The following UBXN6 variants were observed in gnomAD, a reference collection of about 807,000 sequenced individuals.
UBXN6 encodes UBX domain protein 6.
UBXN6 carries 44 observed loss-of-function variants against 51.4 expected under a neutral mutation model. The observed-to-expected ratio is 0.86, with a 90% CI of 0.67 to 1.10. The LOEUF is 1.10. UBXN6 is among the 50% of genes least tolerant of loss of function. The pLI, the probability that UBXN6 is intolerant of heterozygous loss-of-function variation, is 0.00. For synonymous variants in UBXN6, 316 were observed against 263.2 expected (o/e 1.20, Z -1.94); for missense variants, 672 against 596.1 (o/e 1.13, Z -1.32).
chr19:4,446,535 G>A lies in UBXN6; in HGVS notation c.885C>T (p.Leu295=). The A allele has an allele frequency of 1.2e-6, 2 of 1,611,976 alleles. No homozygotes were observed. Among genetic ancestry groups the A allele is most frequent in the Non-Finnish European group, 8.5e-7 (1 of 1,179,846 alleles). Residue 295 remains leucine (L), a synonymous_variant, in exon 8 of 11, where the codon CTC becomes CTT. Coordinates refer to ENST00000301281, the MANE Select transcript of UBXN6 (RefSeq NM_025241.3). Reference sequence around the variant, plus strand: ...GCTCCCGCTTGATCTCCTCTGCTGTGAGGTTGAAGAAGTCCCCAGGCAGTT... The same window carrying A: ...GCTCCCGCTTGATCTCCTCTGCTGTAAGGTTGAAGAAGTCCCCAGGCAGTT... The part of the protein sequence containing the change: ...QFELPGDFFN[L]TAEEIKREQR...
intron 1 of UBXN6, 28 bp downstream of exon 1, chr19:4,457,587 G>A (rs1465847505): frequency 1.9e-6 from 3 of 1,577,772 alleles, no homozygotes; most frequent in Middle Eastern, 3.4e-4. Flanking sequence ...GCCCCGCAGG[G>A]CCTCAAGCCC....
At chr19:4,453,722 T>C (rs1974694720) in intron 2 of UBXN6, among the ~76,000 whole-genome samples, 200 bp from the exon 3 acceptor site, 1 of 152,152 alleles carries the variant, frequency 6.6e-6, no homozygotes, top group Non-Finnish European at 1.5e-5. Flanking sequence ...CCCCACTGCC[T>C]GGGCAGCCCG....
At chr19:4,450,257 A>G (rs1157127781) in intron 4 of UBXN6, 5 of 151,636 alleles carry the variant, frequency 3.3e-5, no homozygotes, top group African/African-American at 1.2e-4. Context: ...GAGAGGCCAC[A>G]AAAGAATTCT....
At chr19:4,447,408 G>T (rs1974557074) in intron 6 of UBXN6, 142 bp downstream of exon 6, 1 of 853,632 alleles carries the variant, frequency 1.2e-6, no homozygotes, top group Non-Finnish European at 1.9e-6. Context: ...ACCTTCTACT[G>T]GCCGAACCCT....
At chr19:4,450,423 T>C (rs891035315) in intron 4 of UBXN6, 21 of 151,978 alleles carry the variant, frequency 1.4e-4, no homozygotes, top group African/African-American at 4.1e-4. Context: ...GAGGGAAACA[T>C]GTGCAACTCA....
rs954618850 is a variant in UBXN6, at chr19:4,453,400, A to G, written c.312+58T>C. 3.8e-6 allele frequency: 6 copies of G among 1,576,732 alleles called. No individual in the cohort carries two copies. The East Asian group carries it at 9.1e-5, about 24-fold the overall frequency. On this transcript the variant is annotated intron_variant, in intron 3 of 10. Transcript: ENST00000301281. ...GCAGAGGCCACATCTCCCCCGTGAC[A>G]CAGTCAAGCTGTCCCCACCCCTTGG...
chr19:4,457,782 A>C lies in UBXN6; in HGVS notation c.-85T>G, dbSNP rs1263669509. ...GGGACGGGGCCGCCGGAGACCAGCC[A>C]CCGGAAGAAAATTAAAAAAAAAAAA... On this transcript the variant is annotated 5_prime_UTR_variant, in exon 1 of 11. Coordinates refer to ENST00000301281, the MANE Select transcript of UBXN6 (RefSeq NM_025241.3). The C allele has an allele frequency of 3.0e-5, 12 of 404,180 alleles. No individual in the cohort carries two copies. Among genetic ancestry groups the C allele is most frequent in the South Asian group, 7.7e-5 (1 of 12,926 alleles). 25.0% of individuals were successfully genotyped at this position (404,180 alleles called of 1,614,324 possible).
Position 4,447,591 on chromosome 19 carries a change from C to T in UBXN6, c.574G>A (p.Glu192Lys), listed in dbSNP as rs367786829. ...TGCAGCTTGATCTTCCGGTACTTCTCCTCCTCGGGGTGCAGGTGGATGTTG... is the reference window on the plus strand; with the variant it reads ...TGCAGCTTGATCTTCCGGTACTTCTTCTCCTCGGGGTGCAGGTGGATGTTG... ...LDNIHLHPEEEKYRKIKLQNK... is the reference protein window; with the variant it reads ...LDNIHLHPEEKKYRKIKLQNK... The change falls in exon 6 of 11, where the codon GAG becomes AAG. Residue 192 changes from glutamate (E) to lysine (K), a missense_variant. Coordinates refer to ENST00000301281, the MANE Select transcript of UBXN6 (RefSeq NM_025241.3). The T allele has an allele frequency of 1.3e-4, 208 of 1,613,678 alleles. No individual in the cohort carries two copies. Among genetic ancestry groups the T allele is most frequent in the Non-Finnish European group, 1.7e-4 (202 of 1,179,824 alleles).
At chr19:4,447,232 C>A in intron 6 of UBXN6, 1 of 571,650 alleles carries the variant, frequency 1.7e-6, no homozygotes, top group Non-Finnish European at 3.1e-6. Context: ...GCCCTTTCCC[C>A]CAGAAGAACC....
chr19:4,456,504 C>T (rs1311290641), intron 1 of UBXN6, among the ~76,000 whole-genome samples: 1 of 151,884 alleles, frequency 6.6e-6, no homozygotes, highest in African/African-American at 2.4e-5. Flanking sequence ...CTCAGTCCCT[C>T]TCCATCAGTC....
intron 4 of UBXN6, 60 bp from the exon 5 acceptor site, chr19:4,448,475 C>A: frequency 7.2e-7 from 1 of 1,394,224 alleles, no homozygotes; most frequent in East Asian, 2.5e-5. Context: ...CGGCCCTCCG[C>A]TGCCCAGGTA....
intron 5 of UBXN6, chr19:4,447,949 C>A: frequency 2.0e-6 from 1 of 496,752 alleles, no homozygotes; most frequent in Non-Finnish European, 3.7e-6. Flanking sequence ...GCCGCAGTGC[C>A]AGCAGGGGGC....
Position 4,453,968 on chromosome 19 carries a change from G to A in UBXN6, c.209C>T (p.Ala70Val). The A allele has an allele frequency of 6.2e-7, 1 of 1,611,140 alleles. No individual in the cohort carries two copies. Residue 70 changes from alanine (A) to valine (V), a missense_variant, in exon 2 of 11, where the codon GCC becomes GTC. By Grantham distance (64) the Ala-to-Val change is moderately conservative (BLOSUM62 0). Coordinates refer to ENST00000301281, the MANE Select transcript of UBXN6 (RefSeq NM_025241.3). ...LARLEQKQSR[A>V]WGPTSQDTIR... ...GGTGTCCTGCGATGTGGGGCCCCAG[G>A]CCCGGGACTGCTTCTGCTCCAGCCG... is the stretch of plus-strand genomic sequence containing the variant.
At chr19:4,453,602 G>A (rs1033031363) in intron 2 of UBXN6, 80 bp from the exon 3 acceptor site, 9 of 1,544,146 alleles carry the variant, frequency 5.8e-6, no homozygotes, top group East Asian at 4.7e-5. Flanking sequence ...CCTCATTCCC[G>A]GGGTGGGCCT....
At position 4,453,629 on chromosome 19, in the gene UBXN6, G is replaced by A. The variant is rs532377611; in HGVS notation, c.248-107C>T. 85 of 1,331,140 alleles carry A rather than the reference G, an allele frequency of 6.4e-5. 1 individual carries two copies. Among genetic ancestry groups the A allele is most frequent in the East Asian group, 5.7e-4 (23 of 40,284 alleles). 82.5% of individuals were successfully genotyped at this position (1,331,140 alleles called of 1,614,324 possible). A position where few individuals can be genotyped will look rare whatever the true frequency, so the allele number is the denominator to read the frequency against. ...GGTGGGCCTGGGGGCCACGCACACC[G>A]CCCCAGCCTGCTTCTGCTGGAGGTC... On this transcript the variant is annotated intron_variant, in intron 2 of 10. Coordinates refer to ENST00000301281, the MANE Select transcript of UBXN6 (RefSeq NM_025241.3).
In UBXN6 at chr19:4,446,883, A is replaced by G. The variant is rs759544723; in HGVS notation, c.653T>C (p.Phe218Ser). The G allele has an allele frequency of 6.2e-7, 1 of 1,614,030 alleles. No homozygotes were observed. The change falls in exon 7 of 11, where the codon TTT becomes TCT. Residue 218 changes from phenylalanine to serine, a missense_variant. Physicochemically the swap from Phe to Ser is radical, Grantham distance 155. Transcript: ENST00000301281. ...INCLEGTHEF[F>S]EAIGFQKVLL... ...CACCTTCTGGAACCCAATGGCCTCA[A>G]AAAACTCGTGGGTCCCTTCCAGGCA...
At chr19:4,448,191 C>T (rs551072102) in intron 5 of UBXN6, 127 bp downstream of exon 5, 55 of 829,890 alleles carry the variant, frequency 6.6e-5, no homozygotes, top group Middle Eastern at 5.7e-4. Context: ...GCCTCACTCT[C>T]GGCCTATGCT....
At chr19:4,452,252 AGTGGCCTCT>A in intron 4 of UBXN6, 103 bp downstream of exon 4, 2 of 1,477,236 alleles carry the variant, frequency 1.4e-6, no homozygotes, top group Non-Finnish European at 1.8e-6. Context: ...CACTACTAGC[AGTGGCCTCT>A]GGGGACTCTG....
At chr19:4,448,812 G>C (rs1009124201) in intron 4 of UBXN6, 2 of 223,170 alleles carry the variant, frequency 9.0e-6, no homozygotes, top group South Asian at 6.2e-5. Flanking sequence ...TCCTGCTCTC[G>C]CAGCCCCATG....
Sources: allele counts gnomAD v4.1 joint callset (sites outside exome capture counted in the v4.1 genomes callset), GRCh38; gene constraint gnomAD v4.1.1; transcripts MANE v1.5; gene names NCBI Gene and HGNC (gene_info 2026-07-23, HGNC 2026-07-21).